The following NR3C1 variants were observed in gnomAD, a reference collection of about 807,000 sequenced individuals.
The protein encoded by NR3C1 is nuclear receptor subfamily 3 group C member 1.
A neutral mutation model predicts 74.0 loss-of-function variants in NR3C1; 14 were observed. The observed-to-expected ratio is 0.19, with a 90% confidence interval of 0.12 to 0.30. NR3C1 has a LOEUF of 0.30. NR3C1 is among the 10% of genes least tolerant of loss of function. The pLI is 1.00. For missense variants in NR3C1, 695 were observed against 909.8 expected (o/e 0.76, Z 3.04); for synonymous variants, 308 against 332.5 (o/e 0.93, Z 0.80).
chr5:143,403,885 C>T, upstream of NR3C1: 4 of 979,384 alleles, frequency 4.1e-6, no homozygotes, highest in Non-Finnish European at 4.8e-6. Flanking sequence ...CCTGCACGCC[C>T]GCGTCCCCTG....
chr5:143,343,405 C>A (rs1450608373), intron 2 of NR3C1, among the ~76,000 whole-genome samples: 3 of 152,176 alleles, frequency 2.0e-5, no homozygotes, highest in Admixed American at 6.5e-5. Context: ...CTCTCTAACT[C>A]AGATACATGA....
chr5:143,372,689 T>A (rs977014395), intron 2 of NR3C1, among the ~76,000 whole-genome samples: 1 of 152,124 alleles, frequency 6.6e-6, no homozygotes, highest in African/African-American at 2.4e-5. Flanking sequence ...CCTTAAACCT[T>A]GTTGCAACTT....
chr5:143,348,450 C>G (rs1057289304), intron 2 of NR3C1, among the ~76,000 whole-genome samples: 21 of 152,144 alleles, frequency 1.4e-4, no homozygotes, highest in African/African-American at 5.1e-4. Flanking sequence ...TGGATAAGCA[C>G]AGAATAGCAA....
At position 143,319,108 on chromosome 5, in the gene NR3C1, T is replaced by C. The variant is rs149343609; in HGVS notation, c.1185-4940A>G. On this transcript the variant is annotated intron_variant, in intron 2 of 8. Coordinates refer to ENST00000394464, the MANE Select transcript of NR3C1 (RefSeq NM_000176.3). ...GACCACACTGGAAGAATTGTTGTTA[T>C]GGAGACTAGTAAGGTAAAGATTCTA... 2.9e-3 allele frequency among the ~76,000 whole-genome samples: 441 copies of C among 152,316 alleles called. 7 individuals carry two copies. Among genetic ancestry groups the C allele is most frequent in the Admixed American group, 0.019 (291 of 15,302 alleles).
chr5:143,379,127 T>C (rs572852553), intron 2 of NR3C1, among the ~76,000 whole-genome samples: 1 of 152,304 alleles, frequency 6.6e-6, no homozygotes, highest in Admixed American at 6.5e-5. Flanking sequence ...TAGTCAAATA[T>C]TTCTCTTCCT....
At chr5:143,379,448 G>A (rs954884807) in intron 2 of NR3C1, among the ~76,000 whole-genome samples, 1 of 152,070 alleles carries the variant, frequency 6.6e-6, no homozygotes, top group African/African-American at 2.4e-5. Context: ...CTTTCCACCA[G>A]AGGCAAGGTT....
chr5:143,377,059 T>G (rs896676396), intron 2 of NR3C1, among the ~76,000 whole-genome samples: 1 of 152,234 alleles, frequency 6.6e-6, no homozygotes, highest in Non-Finnish European at 1.5e-5. Context: ...CAGCTTTTTA[T>G]TAATGCCTGA....
chr5:143,382,837 A>G (rs1271299816), intron 2 of NR3C1, among the ~76,000 whole-genome samples: 1 of 152,228 alleles, frequency 6.6e-6, no homozygotes, highest in Non-Finnish European at 1.5e-5. Flanking sequence ...CACTAAAAAC[A>G]AATGTCCCTG....
chr5:143,335,905 T>C (rs1827033787), intron 2 of NR3C1, among the ~76,000 whole-genome samples: 1 of 152,230 alleles, frequency 6.6e-6, no homozygotes, highest in Non-Finnish European at 1.5e-5. Context: ...GTTTATCACA[T>C]GGATCCTTAA....
At chr5:143,299,685 TA>T (rs1453281324) in intron 5 of NR3C1, among the ~76,000 whole-genome samples, 1 of 152,230 alleles carries the variant, frequency 6.6e-6, no homozygotes, top group Non-Finnish European at 1.5e-5. Flanking sequence ...ATGCTTTTAT[TA>T]AATTATTACA....
intron 2 of NR3C1, among the ~76,000 whole-genome samples, chr5:143,353,224 T>A (rs1830519502): frequency 6.6e-6 from 1 of 152,212 alleles, no homozygotes. Context: ...TAATTCTAGT[T>A]CTCTTGCTGT....
chr5:143,294,882 C>T (rs1182284602), intron 7 of NR3C1: 1 of 966,398 alleles, frequency 1.0e-6, no homozygotes, highest in Non-Finnish European at 1.2e-6. Flanking sequence ...ATCACTTCAC[C>T]TACTGAAGGA....
intron 2 of NR3C1, among the ~76,000 whole-genome samples, chr5:143,323,595 C>G (rs1032068459): frequency 6.6e-6 from 1 of 152,158 alleles, no homozygotes; most frequent in African/African-American, 2.4e-5. Flanking sequence ...AATCTCATGT[C>G]CTCACATTTC....
At chr5:143,372,901 T>C (rs1261161974) in intron 2 of NR3C1, among the ~76,000 whole-genome samples, 1 of 152,218 alleles carries the variant, frequency 6.6e-6, no homozygotes, top group Non-Finnish European at 1.5e-5. Flanking sequence ...GTTTTCCTTT[T>C]AGGAACTTTG....
chr5:143,350,519 G>A (rs1248167871), intron 2 of NR3C1, among the ~76,000 whole-genome samples: 1 of 152,092 alleles, frequency 6.6e-6, no homozygotes, highest in Non-Finnish European at 1.5e-5. Context: ...CTTAGAATAA[G>A]TCAATGAATT....
At chr5:143,296,101 C>T (rs997010847) in intron 6 of NR3C1, among the ~76,000 whole-genome samples, 1 of 152,190 alleles carries the variant, frequency 6.6e-6, no homozygotes, top group Non-Finnish European at 1.5e-5. Flanking sequence ...CTGCCTCTGA[C>T]AGGCATATGC....
At chr5:143,290,083 T>C (rs1236234336) in intron 7 of NR3C1, among the ~76,000 whole-genome samples, 1 of 152,228 alleles carries the variant, frequency 6.6e-6, no homozygotes, top group Non-Finnish European at 1.5e-5. Context: ...GTTCTATGAA[T>C]TTTTGTATTA....
At chr5:143,283,588 T>C (rs1390711135) in intron 7 of NR3C1, among the ~76,000 whole-genome samples, 2 of 152,246 alleles carry the variant, frequency 1.3e-5, no homozygotes. Context: ...AAAATCGGCA[T>C]GCAATACTTT....
chr5:143,405,268 A>C (rs1400354543), upstream of NR3C1: 1 of 985,598 alleles, frequency 1.0e-6, no homozygotes, highest in African/African-American at 1.7e-5. Context: ...AGCTCCTGAC[A>C]CGGGCGGGGG....
Sources: allele counts gnomAD v4.1 joint callset (sites outside exome capture counted in the v4.1 genomes callset), GRCh38; gene constraint gnomAD v4.1.1; transcripts MANE v1.5; gene names NCBI Gene and HGNC (gene_info 2026-07-23, HGNC 2026-07-21).